The following TM6SF1 variants were observed in gnomAD, a reference collection of about 807,000 sequenced individuals.
TM6SF1 encodes transmembrane 6 superfamily member 1.
A neutral mutation model predicts 47.1 loss-of-function variants in TM6SF1; 43 were observed. That is an observed-to-expected ratio of 0.91 (90% CI 0.72 to 1.18). The LOEUF (loss-of-function observed/expected upper bound fraction) is 1.18, where lower values mean the gene tolerates loss of function less well. TM6SF1 is among the 50% of genes most tolerant of loss of function. The pLI is 0.00. For missense variants in TM6SF1, 390 were observed against 449.0 expected (o/e 0.87, Z 1.19); for synonymous variants, 177 against 166.3 (o/e 1.06, Z -0.49).
intron 7 of TM6SF1, among the ~76,000 whole-genome samples, chr15:83,126,375 T>C (rs1474534932): frequency 6.6e-6 from 1 of 152,204 alleles, no homozygotes; most frequent in African/African-American, 2.4e-5. Context: ...TTGCAATGCA[T>C]AGTAAGATGA....
intron 2 of TM6SF1, chr15:83,114,256 C>T (rs1328723995): frequency 6.6e-6 from 1 of 152,580 alleles, no homozygotes; most frequent in Non-Finnish European, 1.5e-5. Flanking sequence ...GTACCCTCAG[C>T]CCTCTGTCCT....
At chr15:83,110,358 G>A (rs2034036140) in intron 1 of TM6SF1, among the ~76,000 whole-genome samples, 1 of 152,074 alleles carries the variant, frequency 6.6e-6, no homozygotes, top group South Asian at 2.1e-4. Flanking sequence ...GTCCCTGCAG[G>A]ACCTGTTTCT....
Position 83,126,793 on chromosome 15 carries a change from T to G in TM6SF1, c.747T>G (p.Tyr249Ter). ...GCCCATCTGAGCTCTGCCGATTATATACGCAATTTCAAGAGCCCTATCTAA... is the reference window on the plus strand; with the variant it reads ...GCCCATCTGAGCTCTGCCGATTATAGACGCAATTTCAAGAGCCCTATCTAA... Reference protein sequence around the residue: ...LDCPSELCRLYTQFQEPYLKD... With the variant: ...LDCPSELCRL The change falls in exon 8 of 10, where the codon TAT becomes TAG. Residue 249 changes from tyrosine to a stop codon, truncating the protein, a stop_gained. Coordinates refer to ENST00000322019, the MANE Select transcript of TM6SF1 (RefSeq NM_023003.5). LOFTEE classifies it high-confidence loss of function. 14 of 1,614,070 alleles carry G rather than the reference T, an allele frequency of 8.7e-6. No homozygotes were observed. Among genetic ancestry groups the G allele is most frequent in the Non-Finnish European group, 1.2e-5 (14 of 1,179,972 alleles).
At position 83,126,798 on chromosome 15, in the gene TM6SF1, A is replaced by C; in HGVS notation, c.752A>C (p.Gln251Pro). 6.2e-7 allele frequency: 1 copy of C among 1,614,074 alleles called. No homozygotes were observed. ...TCTGAGCTCTGCCGATTATATACGCAATTTCAAGAGCCCTATCTAAAGGAT... is the reference window on the plus strand; with the variant it reads ...TCTGAGCTCTGCCGATTATATACGCCATTTCAAGAGCCCTATCTAAAGGAT... ...CPSELCRLYT[Q>P]FQEPYLKDPA... Residue 251 changes from glutamine to proline, a missense_variant, in exon 8 of 10, where the codon CAA becomes CCA. Gln to Pro is a moderately conservative substitution (Grantham distance 76, BLOSUM62 -1). Transcript: ENST00000322019.
rs552085436 is a variant in TM6SF1, at chr15:83,108,461, G to A, written c.92+689G>A. ...CTTCCCAGTGCCTGCGCTGGGGTAG[G>A]ATGGGGACAGGCAGCAGAGGCAGAA... is the stretch of plus-strand genomic sequence containing the variant. On this transcript the variant is annotated intron_variant, in intron 1 of 9. Coordinates refer to ENST00000322019, the MANE Select transcript of TM6SF1 (RefSeq NM_023003.5). 2.6e-5 allele frequency among the ~76,000 whole-genome samples: 4 copies of A among 152,182 alleles called. No homozygotes were observed. The South Asian group carries it at 8.3e-4, about 32-fold the overall frequency.
At chr15:83,114,664 C>T (rs2034493837) in intron 2 of TM6SF1, 1 of 152,478 alleles carries the variant, frequency 6.6e-6, no homozygotes, top group South Asian at 2.1e-4. Context: ...ATTAACCATC[C>T]CCACACTCCT....
At chr15:83,117,466 C>A (rs943189178) in intron 3 of TM6SF1, among the ~76,000 whole-genome samples, 1 of 152,112 alleles carries the variant, frequency 6.6e-6, no homozygotes, top group Non-Finnish European at 1.5e-5. Context: ...ACTTTAGAGA[C>A]CATGGCCAGA....
chr15:83,122,675 C>A, intron 5 of TM6SF1, 82 bp from the exon 6 acceptor site: 1 of 1,507,764 alleles, frequency 6.6e-7, no homozygotes, highest in Non-Finnish European at 9.0e-7. Context: ...TTTTAGATGA[C>A]CTGAGATGGG....
Position 83,107,871 on chromosome 15 carries a change from C to T in TM6SF1, c.92+99C>T, listed in dbSNP as rs2033804497. On this transcript the variant is annotated intron_variant, in intron 1 of 9. Transcript: ENST00000322019. This position sits in a 1 kb window ranked among gnomAD's most constrained non-coding sequence, Gnocchi z 5.6. ...ACTTTTCCGAGGGGGCTGGGACCGTCCGCCGCGGGACAGAGGTTCGTGGCC... is the reference window on the plus strand; with the variant it reads ...ACTTTTCCGAGGGGGCTGGGACCGTTCGCCGCGGGACAGAGGTTCGTGGCC... 2 of 1,402,552 alleles carry T rather than the reference C, an allele frequency of 1.4e-6. No individual in the cohort carries two copies. The highest frequency in any genetic ancestry group is 9.3e-7 in the Non-Finnish European group (1 of 1,074,306). 86.9% of individuals were successfully genotyped at this position (1,402,552 alleles called of 1,614,324 possible).
chr15:83,118,349 A>G (rs1403070682), intron 3 of TM6SF1, among the ~76,000 whole-genome samples: 1 of 152,138 alleles, frequency 6.6e-6, no homozygotes, highest in Non-Finnish European at 1.5e-5. Context: ...AGGCGAGTTG[A>G]AAGGACCTGT....
At chr15:83,131,765 C>A (rs930035058) in intron 9 of TM6SF1, 1 of 152,080 alleles carries the variant, frequency 6.6e-6, no homozygotes, top group East Asian at 1.9e-4. Flanking sequence ...AAAATGAAAC[C>A]AGGACACATT....
At chr15:83,121,044 G>C (rs1221658185) in intron 4 of TM6SF1, among the ~76,000 whole-genome samples, 2 of 151,754 alleles carry the variant, frequency 1.3e-5, no homozygotes, top group African/African-American at 4.8e-5. Flanking sequence ...TGTGGAGTTT[G>C]GGTTATTGGG....
chr15:83,108,296 T>C (rs994473101), intron 1 of TM6SF1, among the ~76,000 whole-genome samples: 9 of 152,218 alleles, frequency 5.9e-5, no homozygotes, highest in African/African-American at 2.2e-4. Context: ...GCTTTGGCAC[T>C]GACGGTGTCT....
At chr15:83,120,587 C>CT (rs993490763) in intron 4 of TM6SF1, among the ~76,000 whole-genome samples, 3,132 of 125,916 alleles carry the variant, frequency 0.025, 98 homozygotes, top group South Asian at 0.15. Flanking sequence ...CCAGCTAATT[C>CT]TTTTTTTTTT....
chr15:83,115,782 C>A, intron 2 of TM6SF1, 63 bp from the exon 3 acceptor site: 1 of 1,090,022 alleles, frequency 9.2e-7, no homozygotes, highest in Non-Finnish European at 1.4e-6. Flanking sequence ...TTAGCTGATG[C>A]CAAGCTTGTA....
At chr15:83,130,486 G>T (rs2036154884) in intron 9 of TM6SF1, 1 of 152,254 alleles carries the variant, frequency 6.6e-6, no homozygotes, top group South Asian at 2.1e-4. Context: ...CTCTCTTGAT[G>T]GTGAATGCCC....
intron 1 of TM6SF1, among the ~76,000 whole-genome samples, chr15:83,112,541 G>A (rs567035100): frequency 2.0e-5 from 3 of 152,092 alleles, no homozygotes; most frequent in Non-Finnish European, 4.4e-5. Flanking sequence ...TGTCATCTGT[G>A]CACATGAGAC....
At chr15:83,126,178 GACA>G (rs1567149290) in intron 7 of TM6SF1, among the ~76,000 whole-genome samples, 1 of 152,094 alleles carries the variant, frequency 6.6e-6, no homozygotes. Context: ...ATCTAGGTGG[GACA>G]ACATTTATGG....
At chr15:83,126,631 C>G (rs2035769686) in intron 7 of TM6SF1, 124 bp from the exon 8 acceptor site, 5 of 721,240 alleles carry the variant, frequency 6.9e-6, no homozygotes, top group Non-Finnish European at 1.2e-5. Context: ...TGAGCCTCTA[C>G]AATGCATACG....
Sources: allele counts gnomAD v4.1 joint callset (sites outside exome capture counted in the v4.1 genomes callset), GRCh38; gene constraint gnomAD v4.1.1; non-coding constraint Gnocchi (gnomAD v3.1); transcripts MANE v1.5; gene names NCBI Gene and HGNC (gene_info 2026-07-23, HGNC 2026-07-21).